Variants in TSPAN18 observed in about 807,000 individuals in gnomAD.
TSPAN18 encodes the protein tetraspanin 18.
Under a neutral mutation model 27.3 loss-of-function variants are expected in TSPAN18, and 14 were observed. The ratio of observed to expected loss-of-function variants is 0.51; its 90% CI spans 0.34 to 0.80. The LOEUF is 0.80. TSPAN18 is among the 30% of genes least tolerant of loss of function. The pLI is 0.01. For synonymous variants in TSPAN18, 143 were observed against 136.5 expected, an observed-to-expected ratio of 1.05 and a Z score of -0.33; for missense variants, 268 against 323.9, an observed-to-expected ratio of 0.83 and a Z score of 1.32.
intron 2 of TSPAN18, among the ~76,000 whole-genome samples, chr11:44,768,529 G>A (rs1039088061): frequency 3.3e-5 from 5 of 151,778 alleles, no homozygotes; most frequent in Non-Finnish European, 7.4e-5. Context: ...CTACATAAAT[G>A]ATCATATCTT....
intron 2 of TSPAN18, among the ~76,000 whole-genome samples, chr11:44,801,382 G>GTCTGTC (rs1417283474): frequency 6.6e-6 from 1 of 152,114 alleles, no homozygotes; most frequent in Admixed American, 6.6e-5. Flanking sequence ...ATCTGTCCCT[G>GTCTGTC]TCTGTCTCTG....
chr11:44,819,757 A>G (rs1030057135), intron 2 of TSPAN18, among the ~76,000 whole-genome samples: 1 of 139,926 alleles, frequency 7.1e-6, no homozygotes, highest in African/African-American at 2.7e-5. Context: ...ACTGTCTCTC[A>G]TGCCAGTGCT....
At chr11:44,819,999 T>G (rs890735190) in intron 2 of TSPAN18, among the ~76,000 whole-genome samples, 1 of 152,176 alleles carries the variant, frequency 6.6e-6, no homozygotes, top group Non-Finnish European at 1.5e-5. Context: ...CCATCTGCAC[T>G]AGCGCCGGCC....
chr11:44,850,315 A>G (rs890842841), intron 2 of TSPAN18, among the ~76,000 whole-genome samples: 10 of 152,164 alleles, frequency 6.6e-5, no homozygotes, highest in Admixed American at 5.9e-4. Flanking sequence ...ACCATTTGCC[A>G]AGAGAACCGA....
At chr11:44,819,701 CTT>C (rs11378177) in intron 2 of TSPAN18, among the ~76,000 whole-genome samples, 2 of 144,070 alleles carry the variant, frequency 1.4e-5, no homozygotes, top group African/African-American at 2.6e-5. Context: ...GCTTGGAAGG[CTT>C]TTTTTTTTTC....
At chr11:44,879,516 G>A (rs527541814) in intron 3 of TSPAN18, among the ~76,000 whole-genome samples, 3 of 152,346 alleles carry the variant, frequency 2.0e-5, no homozygotes, top group South Asian at 2.1e-4. Context: ...TGAATAAGTC[G>A]AATAAATGAG....
chr11:44,745,516 A>G, intron 1 of TSPAN18, among the ~76,000 whole-genome samples: 1 of 152,338 alleles, frequency 6.6e-6, no homozygotes, highest in East Asian at 1.9e-4. Context: ...AGAGAATCTA[A>G]GGGAGTCAAA....
intron 1 of TSPAN18, among the ~76,000 whole-genome samples, chr11:44,741,081 G>A (rs1275971476): frequency 6.6e-6 from 1 of 152,146 alleles, no homozygotes; most frequent in Non-Finnish European, 1.5e-5. Context: ...AGTCTTGAAC[G>A]GGGAACATGA....
At position 44,826,423 on chromosome 11, in the gene TSPAN18, T is replaced by C. The variant is rs543837655; in HGVS notation, c.-152-33905T>C. ...TGGGCAACAAGAGCGAGAAACTCTG[T>C]CTCAAAAAAGAAAAGAAAAAAGTTT... On this transcript the variant is annotated intron_variant, in intron 2 of 9. Transcript: ENST00000520358. Among the ~76,000 whole-genome samples the C allele has an allele frequency of 1.9e-4, 29 of 152,280 alleles. No homozygotes were observed. In the East Asian group the frequency reaches 3.7e-3, roughly 19 times the overall value.
At chr11:44,902,895 C>G (rs1859314163) in intron 3 of TSPAN18, among the ~76,000 whole-genome samples, 1 of 152,162 alleles carries the variant, frequency 6.6e-6, no homozygotes, top group South Asian at 2.1e-4. Flanking sequence ...TGTTGCTCCA[C>G]TTTCTAGCTG....
chr11:44,786,393 G>A (rs558603663), intron 2 of TSPAN18, among the ~76,000 whole-genome samples: 1 of 152,272 alleles, frequency 6.6e-6, no homozygotes, highest in South Asian at 2.1e-4. Context: ...AGAGGCTGCA[G>A]GGAAAGAAAC....
In TSPAN18 at chr11:44,838,255, A is replaced by C. The variant is rs149385648; in HGVS notation, c.-152-22073A>C. ...ACAATCATGGCAGAAGGCAAAGGGA[A>C]AGCAAGGCATGTCTTACATGGCAGC... is the stretch of plus-strand genomic sequence containing the variant. On this transcript the variant is annotated intron_variant, in intron 2 of 9. Transcript: ENST00000520358. 5.4e-3 allele frequency among the ~76,000 whole-genome samples: 818 copies of C among 152,320 alleles called. 9 individuals are homozygous for C. Among genetic ancestry groups the C allele is most frequent in the African/African-American group, 0.019 (797 of 41,574 alleles).
intron 2 of TSPAN18, among the ~76,000 whole-genome samples, chr11:44,778,834 C>T (rs75583192): frequency 6.6e-6 from 1 of 152,110 alleles, no homozygotes; most frequent in Non-Finnish European, 1.5e-5. Context: ...CAGCTGACAC[C>T]AAGGGCAGGG....
chr11:44,783,644 G>GC (rs1855991493), intron 2 of TSPAN18, among the ~76,000 whole-genome samples: 1 of 152,160 alleles, frequency 6.6e-6, no homozygotes. Context: ...CAGTCCGCCT[G>GC]CCTCAGCCTC....
Position 44,767,187 on chromosome 11 carries a change from A to T in TSPAN18, c.-153+2675A>T, listed in dbSNP as rs550231296. On this transcript the variant is annotated intron_variant, in intron 2 of 9. Transcript: ENST00000520358. ...CAGCTCCCTGTCCTGATGTGCTATCACTTGGAGCTACCTCAAGTATGAGCA... is the reference window on the plus strand; with the variant it reads ...CAGCTCCCTGTCCTGATGTGCTATCTCTTGGAGCTACCTCAAGTATGAGCA... Among the ~76,000 whole-genome samples, 31 of 152,308 alleles carry T rather than the reference A, an allele frequency of 2.0e-4. No homozygotes were observed. In the South Asian group the frequency reaches 3.9e-3, roughly 19 times the overall value.
chr11:44,731,921 G>A (rs1170372005), intron 1 of TSPAN18, among the ~76,000 whole-genome samples: 5 of 152,148 alleles, frequency 3.3e-5, no homozygotes, highest in African/African-American at 1.2e-4. Context: ...AAAACCATAT[G>A]TGCAGATAAT....
At chr11:44,820,960 G>A (rs1452927589) in intron 2 of TSPAN18, among the ~76,000 whole-genome samples, 12 of 152,152 alleles carry the variant, frequency 7.9e-5, no homozygotes, top group Admixed American at 7.2e-4. Context: ...TGCCATGCTT[G>A]TACAGCCTGT....
chr11:44,782,066 T>C (rs1438360314), intron 2 of TSPAN18, among the ~76,000 whole-genome samples: 1 of 152,246 alleles, frequency 6.6e-6, no homozygotes, highest in Non-Finnish European at 1.5e-5. Flanking sequence ...TATGTATATA[T>C]AGTAATTTGT....
intron 1 of TSPAN18, among the ~76,000 whole-genome samples, chr11:44,759,060 GGGCTT>G (rs1446204987): frequency 5.3e-5 from 8 of 152,188 alleles, no homozygotes; most frequent in Non-Finnish European, 1.5e-5. Flanking sequence ...CATCTTTGCA[GGGCTT>G]CCATCAGCAG....
Sources: gnomAD v4.1 joint callset for allele counts (sites outside exome capture counted in the v4.1 genomes callset) on GRCh38, gnomAD v4.1.1 for gene constraint, MANE v1.5 for transcripts, NCBI Gene and HGNC (gene_info 2026-07-23, HGNC 2026-07-21) for gene names.